The following SLC25A26 variants were observed in gnomAD, a reference collection of about 807,000 sequenced individuals.
SLC25A26 encodes the protein mitochondrial S-adenosylmethionine carrier protein.
SLC25A26 carries 36 observed loss-of-function variants against 37.8 expected under a neutral mutation model. That is an observed-to-expected ratio of 0.95 (90% CI 0.73 to 1.26). The LOEUF (loss-of-function observed/expected upper bound fraction) is 1.26, where lower values mean the gene tolerates loss of function less well. Among genes scored for constraint, SLC25A26 ranks in the 50% most tolerant of loss-of-function variants. SLC25A26 has a pLI of 0.00. For synonymous variants in SLC25A26, 129 were observed against 122.5 expected (o/e 1.05, Z -0.35); for missense variants, 390 against 331.1 (o/e 1.18, Z -1.38).
chr3:66,172,166 T>G (rs941812370), intron 1 of SLC25A26, among the ~76,000 whole-genome samples: 1 of 151,824 alleles, frequency 6.6e-6, no homozygotes, highest in African/African-American at 2.4e-5. Context: ...ATCTTAGCAC[T>G]TTAGAAGGTG....
intron 5 of SLC25A26, among the ~76,000 whole-genome samples, chr3:66,278,821 A>G (rs1337170481): frequency 6.6e-6 from 1 of 152,092 alleles, no homozygotes; most frequent in African/African-American, 2.4e-5. Flanking sequence ...TCTCAACTAT[A>G]CTTTCATTGT....
At chr3:66,229,054 A>G (rs1173727442) in intron 1 of SLC25A26, among the ~76,000 whole-genome samples, 1 of 152,214 alleles carries the variant, frequency 6.6e-6, no homozygotes, top group Non-Finnish European at 1.5e-5. Context: ...TGTTTGGTAA[A>G]GTACTCTTTA....
intron 5 of SLC25A26, among the ~76,000 whole-genome samples, chr3:66,344,607 G>C (rs1289101487): frequency 2.0e-5 from 3 of 152,212 alleles, no homozygotes; most frequent in Non-Finnish European, 2.9e-5. Flanking sequence ...CCTTGCAGCT[G>C]GGCTGCCTGT....
chr3:66,141,050 GAC>G (rs35140096), intron 1 of SLC25A26, among the ~76,000 whole-genome samples: 45,091 of 148,086 alleles, frequency 0.3, 8,291 homozygotes, highest in African/African-American at 0.53. Context: ...ATAGAAACAG[GAC>G]ACACACACAC....
intron 5 of SLC25A26, among the ~76,000 whole-genome samples, chr3:66,325,018 A>G (rs1187764457): frequency 1.3e-5 from 2 of 152,140 alleles, no homozygotes; most frequent in East Asian, 1.9e-4. Context: ...CTTATATACT[A>G]TCTTATTAGG....
chr3:66,200,024 T>C (rs1358424480), intron 1 of SLC25A26, among the ~76,000 whole-genome samples: 1 of 152,220 alleles, frequency 6.6e-6, no homozygotes, highest in African/African-American at 2.4e-5. Context: ...TTATGGACAT[T>C]TACCAACTTG....
chr3:66,162,532 G>T (rs1249262291), intron 1 of SLC25A26, among the ~76,000 whole-genome samples: 1 of 152,110 alleles, frequency 6.6e-6, no homozygotes, highest in African/African-American at 2.4e-5. Flanking sequence ...TTTTGAAATG[G>T]CTAGAGTCTA....
intron 9 of SLC25A26, among the ~76,000 whole-genome samples, chr3:66,376,648 A>G (rs1280161779): frequency 6.6e-6 from 1 of 152,242 alleles, no homozygotes; most frequent in East Asian, 1.9e-4. Context: ...GCCCTGGGAA[A>G]CGAAGAAATT....
At chr3:66,209,894 CTATTTATATATATATATATATA>C (rs1330109495) in intron 1 of SLC25A26, among the ~76,000 whole-genome samples, 371 of 13,184 alleles carry the variant, frequency 0.028, 38 homozygotes, top group East Asian at 0.12. Flanking sequence ...CTCTCTCTCT[CTATTTATATATATATATATATA>C]TATATATATA....
chr3:66,147,085 TCCCC>T (rs2070127668), intron 1 of SLC25A26, among the ~76,000 whole-genome samples: 1 of 3,626 alleles, frequency 2.8e-4, no homozygotes, highest in Non-Finnish European at 6.2e-4. Flanking sequence ...TTCCCTCCCC[TCCCC>T]TCCCCTCCCC....
chr3:66,253,223 C>T (rs1216705620), intron 3 of SLC25A26, among the ~76,000 whole-genome samples: 1 of 150,948 alleles, frequency 6.6e-6, no homozygotes, highest in Non-Finnish European at 1.5e-5. Flanking sequence ...CTGGCTAACA[C>T]GGTGAAAGCT....
chr3:66,213,216 G>T (rs1419530248), intron 1 of SLC25A26, among the ~76,000 whole-genome samples: 1 of 151,586 alleles, frequency 6.6e-6, no homozygotes, highest in Non-Finnish European at 1.5e-5. Context: ...CTTGGCCAAC[G>T]TGGTGAAACC....
chr3:66,286,906 G>T (rs2074530730), intron 5 of SLC25A26, among the ~76,000 whole-genome samples: 1 of 151,988 alleles, frequency 6.6e-6, no homozygotes, highest in African/African-American at 2.4e-5. Context: ...CATGTGATCT[G>T]CCCAACACAG....
At chr3:66,234,779 T>A (rs936549731) in intron 1 of SLC25A26, among the ~76,000 whole-genome samples, 1 of 152,212 alleles carries the variant, frequency 6.6e-6, no homozygotes, top group African/African-American at 2.4e-5. Context: ...AACAATCAGT[T>A]TGAAGTTCAA....
chr3:66,282,940 G>A (rs139435370), intron 5 of SLC25A26, among the ~76,000 whole-genome samples: 12 of 152,308 alleles, frequency 7.9e-5, no homozygotes, highest in Non-Finnish European at 1.3e-4. Flanking sequence ...TGGCATTACA[G>A]AATATACAGC....
intron 1 of SLC25A26, among the ~76,000 whole-genome samples, chr3:66,170,141 A>G (rs2106729754): frequency 6.6e-6 from 1 of 152,338 alleles, no homozygotes; most frequent in Admixed American, 6.5e-5. Context: ...TGGTTTTACT[A>G]ATAATCTATT....
intron 5 of SLC25A26, among the ~76,000 whole-genome samples, chr3:66,297,127 C>T (rs1240229900): frequency 6.6e-6 from 1 of 152,008 alleles, no homozygotes. Flanking sequence ...AAGTTCAAAA[C>T]CAGCCAGGCC....
At chr3:66,154,388 G>T (rs1053210923) in intron 1 of SLC25A26, among the ~76,000 whole-genome samples, 1 of 152,078 alleles carries the variant, frequency 6.6e-6, no homozygotes, top group Non-Finnish European at 1.5e-5. Flanking sequence ...TTTCTGCAGG[G>T]TTGTACGATG....
At chr3:66,224,319 A>G (rs1242801422) in intron 1 of SLC25A26, among the ~76,000 whole-genome samples, 2 of 152,214 alleles carry the variant, frequency 1.3e-5, no homozygotes, top group Non-Finnish European at 2.9e-5. Flanking sequence ...TTACAGTTCC[A>G]TTTGGCTGGG....
Sources: gnomAD v4.1 joint callset for allele counts (sites outside exome capture counted in the v4.1 genomes callset) on GRCh38, gnomAD v4.1.1 for gene constraint, MANE v1.5 for transcripts, NCBI Gene and HGNC (gene_info 2026-07-23, HGNC 2026-07-21) for gene names.